The following CD36 variants were observed in gnomAD, a reference collection of about 807,000 sequenced individuals.
CD36 encodes the protein platelet glycoprotein 4.
Under a neutral mutation model 55.2 loss-of-function variants are expected in CD36, and 119 were observed. That is an observed-to-expected ratio of 2.15 (90% CI 1.86 to 2.51). CD36 has a LOEUF of 2.51. CD36 is among the 30% of genes most tolerant of loss of function. CD36 has a pLI of 0.00. For synonymous variants in CD36, 186 were observed against 193.6 expected, an observed-to-expected ratio of 0.96 and a Z score of 0.33; for missense variants, 819 against 555.5, an observed-to-expected ratio of 1.47 and a Z score of -4.77.
intron 13 of CD36, chr7:80,673,752 C>G (rs1272083039): frequency 3.4e-6 from 2 of 580,714 alleles, no homozygotes; most frequent in Non-Finnish European, 6.1e-6. Flanking sequence ...AACTGTTGAC[C>G]CTTTGATAGT....
At chr7:80,644,771 T>A (rs775110720) in intron 1 of CD36, among the ~76,000 whole-genome samples, 1 of 152,174 alleles carries the variant, frequency 6.6e-6, no homozygotes, top group Non-Finnish European at 1.5e-5. Context: ...TGTGCCCTTT[T>A]TTGACTGTAG....
At chr7:80,666,251 G>A (rs769135261) in intron 7 of CD36, 192 bp from the exon 8 acceptor site, 9 of 519,174 alleles carry the variant, frequency 1.7e-5, no homozygotes, top group Non-Finnish European at 3.1e-5. Context: ...CTACCTAATG[G>A]CATCAGGTAC....
upstream of CD36, chr7:80,637,088 A>T (rs931683298): frequency 1.3e-5 from 2 of 152,090 alleles, no homozygotes; most frequent in Admixed American, 1.3e-4. Flanking sequence ...TATTTTCATT[A>T]TACTTTAGTC....
intron 3 of CD36, among the ~76,000 whole-genome samples, chr7:80,651,570 G>T (rs1185630025): frequency 6.6e-6 from 1 of 151,982 alleles, no homozygotes; most frequent in Admixed American, 6.6e-5. Flanking sequence ...TAGCTTGTAA[G>T]AAATGCCTTC....
At chr7:80,631,507 G>A (rs1316259342) in intron 1 of CD36, among the ~76,000 whole-genome samples, 2 of 151,818 alleles carry the variant, frequency 1.3e-5, no homozygotes, top group East Asian at 2.0e-4. Flanking sequence ...AAGTTTAAAT[G>A]TGGAAATTCC....
chr7:80,660,274 CAGG>C (rs1288278533), intron 4 of CD36, among the ~76,000 whole-genome samples: 2 of 152,044 alleles, frequency 1.3e-5, no homozygotes, highest in African/African-American at 4.8e-5. Context: ...ATGTTAGAGT[CAGG>C]AGATTAGAAC....
chr7:80,675,575 A>G (rs954796547), intron 14 of CD36, among the ~76,000 whole-genome samples: 1 of 152,082 alleles, frequency 6.6e-6, no homozygotes, highest in African/African-American at 2.4e-5. Flanking sequence ...TATATATTTG[A>G]TTTTTATGTG....
intron 7 of CD36, chr7:80,666,072 C>CCTT (rs917425965): frequency 9.2e-6 from 2 of 216,838 alleles, no homozygotes; most frequent in Admixed American, 1.1e-4. Flanking sequence ...TTAACACTTT[C>CCTT]CTTCTATTCA....
At chr7:80,613,025 A>G (rs1365759303) in intron 1 of CD36, among the ~76,000 whole-genome samples, 2 of 152,116 alleles carry the variant, frequency 1.3e-5, no homozygotes, top group Non-Finnish European at 2.9e-5. Flanking sequence ...ATCCCATGCT[A>G]ATAATCTACT....
intron 1 of CD36, among the ~76,000 whole-genome samples, chr7:80,610,579 TTTATC>T (rs1792823414): frequency 6.6e-6 from 1 of 151,564 alleles, no homozygotes; most frequent in Admixed American, 6.6e-5. Flanking sequence ...TTTTTTATCT[TTTATC>T]TTTTTTGAGA....
At chr7:80,673,845 G>GA (rs1797975824) in intron 13 of CD36, 138 bp from the exon 14 acceptor site, 1 of 708,080 alleles carries the variant, frequency 1.4e-6, no homozygotes, top group African/African-American at 1.8e-5. Flanking sequence ...CTTGCAAAAG[G>GA]AATTCCATTA....
intron 1 of CD36, among the ~76,000 whole-genome samples, chr7:80,631,756 G>T (rs1794083669): frequency 6.6e-6 from 1 of 151,250 alleles, no homozygotes; most frequent in Non-Finnish European, 1.5e-5. Context: ...TATAAACAAA[G>T]TGATTTAAAT....
Position 80,661,197 on chromosome 7 carries a change from A to G in CD36, c.416A>G (p.Asn139Ser), listed in dbSNP as rs770021143. 12 of 1,613,918 alleles carry G rather than the reference A, an allele frequency of 7.4e-6. No individual in the cohort carries two copies. The highest frequency in any genetic ancestry group is 2.7e-5 in the African/African-American group (2 of 74,934). The change falls in exon 5 of 15, where the codon AAT becomes AGT. Residue 139 changes from asparagine (N) to serine (S), a missense_variant. Coordinates refer to ENST00000447544, the MANE Select transcript of CD36 (RefSeq NM_001001548.3). Reference protein sequence around the residue: ...GTEADNFTVLNLAVAAASHIY... With the variant: ...GTEADNFTVLSLAVAAASHIY... ...GAGGCTGACAACTTCACAGTTCTCA[A>G]TCTGGCTGTGGCAGTGAGTAGACAA...
chr7:80,628,551 C>T lies in CD36; in HGVS notation c.-183-17537C>T, dbSNP rs536454237. 3.3e-5 allele frequency among the ~76,000 whole-genome samples: 5 copies of T among 152,094 alleles called. No individual in the cohort carries two copies. The South Asian group carries it at 1.0e-3, about 32-fold the overall frequency. ...TCCTCCTTTAAGAGACCTGGTTAAG[C>T]CATGTTTCTTGACTGCACTCATGAG... On this transcript the variant is annotated intron_variant, in intron 1 of 13. Coordinates refer to the CD36 transcript ENST00000309881.
chr7:80,667,700 CA>C (rs1008229296), intron 8 of CD36, among the ~76,000 whole-genome samples: 5 of 140,290 alleles, frequency 3.6e-5, no homozygotes, highest in Non-Finnish European at 6.2e-5. Context: ...AAAAAGCAAA[CA>C]AAAAAAACAG....
rs762029694 is a variant in CD36 at position 80,673,346 on chromosome 7, A to G, written c.1200-9A>G. 3.1e-6 allele frequency: 4 copies of G among 1,289,504 alleles called. No homozygotes were observed. In the Admixed American group the frequency reaches 5.1e-5, roughly 17 times the overall value. The allele number at this position is 1,289,504 out of a possible 1,614,324, so 79.9% of individuals were successfully genotyped here. On this transcript the variant is annotated splice_polypyrimidine_tract_variant and intron_variant, in intron 12 of 14. Transcript: ENST00000447544. The stretch of plus-strand genomic sequence containing the variant: ...ATATGTTCATAATTATTTTCAACGT[A>G]TATTACAGAGTATTAAAGAATCTGA...
intron 1 of CD36, among the ~76,000 whole-genome samples, chr7:80,621,052 A>G (rs1793441134): frequency 6.6e-6 from 1 of 152,236 alleles, no homozygotes; most frequent in Non-Finnish European, 1.5e-5. Context: ...AAACTGCCAC[A>G]GCAACCCTGA....
intron 1 of CD36, among the ~76,000 whole-genome samples, chr7:80,625,584 G>A (rs1793698166): frequency 6.6e-6 from 1 of 152,110 alleles, no homozygotes; most frequent in Non-Finnish European, 1.5e-5. Flanking sequence ...TGGATGGCTA[G>A]TATTGTGACT....
At chr7:80,651,955 T>C (rs1028391562) in intron 3 of CD36, among the ~76,000 whole-genome samples, 3 of 152,202 alleles carry the variant, frequency 2.0e-5, no homozygotes, top group Non-Finnish European at 4.4e-5. Context: ...ATTTTAAACA[T>C]ATAATTTGTT....
Sources: allele counts gnomAD v4.1 joint callset (sites outside exome capture counted in the v4.1 genomes callset), GRCh38; gene constraint gnomAD v4.1.1; transcripts MANE v1.5; gene names NCBI Gene and HGNC (gene_info 2026-07-23, HGNC 2026-07-21).